The following GLIS3 variants were observed in gnomAD, a reference collection of about 807,000 sequenced individuals.
The protein encoded by GLIS3 is GLIS family zinc finger 3, also known as zinc finger protein GLIS3.
A neutral mutation model predicts 78.6 loss-of-function variants in GLIS3; 53 were observed. The observed-to-expected ratio is 0.67, with a 90% CI of 0.54 to 0.85. The LOEUF (loss-of-function observed/expected upper bound fraction) is 0.85. Among genes scored for constraint, GLIS3 ranks in the 40% least tolerant of loss-of-function variants. The pLI is 0.00. For missense variants in GLIS3, 1,703 were observed against 1,231.1 expected (o/e 1.38, Z -5.74); for synonymous variants, 684 against 509.9 (o/e 1.34, Z -4.60).
chr9:4,307,369 C>T (rs79321323), intron 4 of GLIS3, among the ~76,000 whole-genome samples: 2 of 152,072 alleles, frequency 1.3e-5, no homozygotes, highest in Non-Finnish European at 2.9e-5. Flanking sequence ...GTTTATACGA[C>T]GCTACCGTGA....
chr9:4,038,827 G>A (rs1267396915), intron 4 of GLIS3, among the ~76,000 whole-genome samples: 1 of 152,094 alleles, frequency 6.6e-6, no homozygotes, highest in Non-Finnish European at 1.5e-5. Context: ...TCAACACTGT[G>A]CATTCAAGTA....
At chr9:3,844,588 C>G (rs559319331) in intron 9 of GLIS3, among the ~76,000 whole-genome samples, 1 of 152,194 alleles carries the variant, frequency 6.6e-6, no homozygotes, top group South Asian at 2.1e-4. Context: ...AGTTGACTGA[C>G]GAAGTCATGA....
At chr9:4,109,844 C>T (rs12340125) in intron 4 of GLIS3, among the ~76,000 whole-genome samples, 1 of 152,128 alleles carries the variant, frequency 6.6e-6, no homozygotes, top group Non-Finnish European at 1.5e-5. Flanking sequence ...TCATATGGTG[C>T]TGTGCAGGTT....
intron 1 of GLIS3, among the ~76,000 whole-genome samples, chr9:4,291,345 T>C (rs1286915139): frequency 6.6e-6 from 1 of 152,148 alleles, no homozygotes; most frequent in Non-Finnish European, 1.5e-5. Flanking sequence ...GATAATGTAA[T>C]GAACATGAGG....
chr9:4,252,275 C>G (rs4740759), intron 2 of GLIS3, among the ~76,000 whole-genome samples: 50,947 of 151,888 alleles, frequency 0.34, 8,979 homozygotes, highest in Admixed American at 0.4. Context: ...TTTACATAGT[C>G]CCATATTTCT....
intron 2 of GLIS3, among the ~76,000 whole-genome samples, chr9:4,333,771 T>A (rs1055281571): frequency 1.6e-5 from 2 of 127,264 alleles, no homozygotes; most frequent in African/African-American, 6.0e-5. Context: ...TCTGTTTTGA[T>A]TCCCCTCACT....
chr9:3,953,603 C>G (rs1048497559), intron 4 of GLIS3, among the ~76,000 whole-genome samples: 1 of 152,070 alleles, frequency 6.6e-6, no homozygotes, highest in Admixed American at 6.6e-5. Context: ...CAAATGGTTT[C>G]GCCTCATACC....
chr9:4,392,783 C>T, the GLIS3 span, among the ~76,000 whole-genome samples: 1 of 152,178 alleles, frequency 6.6e-6, no homozygotes, highest in African/African-American at 2.4e-5. Context: ...TAGCCCTATT[C>T]TCTGAGTCAA....
the GLIS3 span, among the ~76,000 whole-genome samples, chr9:4,430,830 G>A: frequency 1.3e-5 from 2 of 152,270 alleles, no homozygotes. Context: ...CTTCCAGCAT[G>A]CCAGAAATCA....
intron 4 of GLIS3, among the ~76,000 whole-genome samples, chr9:4,080,001 C>T (rs924403694): frequency 3.2e-4 from 48 of 152,158 alleles, no homozygotes; most frequent in Non-Finnish European, 2.2e-4. Flanking sequence ...GGAAAATATG[C>T]ACAATGATTT....
At chr9:3,832,912 G>C (rs1417716151) in intron 9 of GLIS3, among the ~76,000 whole-genome samples, 1 of 152,092 alleles carries the variant, frequency 6.6e-6, no homozygotes, top group South Asian at 2.1e-4. Flanking sequence ...GACTTTCACT[G>C]GCCTTTCATG....
intron 2 of GLIS3, among the ~76,000 whole-genome samples, chr9:4,331,553 T>G (rs534648986): frequency 1.3e-5 from 2 of 152,300 alleles, no homozygotes; most frequent in South Asian, 4.1e-4. Context: ...GAAGTTGCAG[T>G]TCTTGACAAC....
chr9:4,140,525 T>G (rs1833731340), intron 2 of GLIS3, among the ~76,000 whole-genome samples: 1 of 152,158 alleles, frequency 6.6e-6, no homozygotes, highest in Non-Finnish European at 1.5e-5. Flanking sequence ...TAATGAAGAT[T>G]ACATTATTTT....
chr9:4,268,455 G>A (rs1424398032), intron 2 of GLIS3, among the ~76,000 whole-genome samples: 1 of 152,090 alleles, frequency 6.6e-6, no homozygotes, highest in Non-Finnish European at 1.5e-5. Context: ...TTATTACTCT[G>A]GGAATGTTCT....
intron 4 of GLIS3, among the ~76,000 whole-genome samples, chr9:3,975,922 TAAAA>T (rs770314911): frequency 2.6e-5 from 4 of 152,218 alleles, no homozygotes; most frequent in Non-Finnish European, 5.9e-5. Context: ...AATCAGTAAC[TAAAA>T]AAACTAAACC....
chr9:3,857,660 A>G (rs1023803191), intron 8 of GLIS3, among the ~76,000 whole-genome samples: 2 of 152,218 alleles, frequency 1.3e-5, no homozygotes, highest in African/African-American at 4.8e-5. Flanking sequence ...TTAATTGATC[A>G]TTTACATCTT....
chr9:3,890,184 C>A (rs1822338268), intron 7 of GLIS3, among the ~76,000 whole-genome samples: 1 of 152,186 alleles, frequency 6.6e-6, no homozygotes, highest in African/African-American at 2.4e-5. Flanking sequence ...CTCACAAATT[C>A]ACTGTTCATT....
chr9:4,430,795 A>C, the GLIS3 span, among the ~76,000 whole-genome samples: 1 of 152,214 alleles, frequency 6.6e-6, no homozygotes, highest in Admixed American at 6.5e-5. Context: ...AACTTAATTC[A>C]AATTCCAACT....
chr9:4,203,328 C>T (rs1434403326), intron 2 of GLIS3, among the ~76,000 whole-genome samples: 1 of 152,072 alleles, frequency 6.6e-6, no homozygotes, highest in African/African-American at 2.4e-5. Flanking sequence ...AAAAAATCAA[C>T]AGATGCTAGT....
Sources: allele counts gnomAD v4.1 joint callset (sites outside exome capture counted in the v4.1 genomes callset), GRCh38; gene constraint gnomAD v4.1.1; transcripts MANE v1.5; gene names NCBI Gene and HGNC (gene_info 2026-07-23, HGNC 2026-07-21).